FARP1: variants seen among roughly 807,000 people sequenced by gnomAD.
The protein encoded by FARP1 is FERM, ARHGEF and pleckstrin domain-containing protein 1.
FARP1 carries 52 observed loss-of-function variants against 128.8 expected under a neutral mutation model. The ratio of observed to expected loss-of-function variants is 0.40; its 90% confidence interval spans 0.32 to 0.51. The LOEUF (loss-of-function observed/expected upper bound fraction) is 0.51. FARP1 is among the 20% of genes least tolerant of loss of function. The probability of loss-of-function intolerance (pLI) is 0.45; values close to 1 mark genes in which losing one functional copy is unlikely to be tolerated. For synonymous variants in FARP1, 580 were observed against 551.8 expected (o/e 1.05, Z -0.72); for missense variants, 1,333 against 1,367.9 (o/e 0.97, Z 0.40).
intron 2 of FARP1, among the ~76,000 whole-genome samples, chr13:98,292,536 A>G (rs1343571705): frequency 6.6e-6 from 1 of 152,230 alleles, no homozygotes; most frequent in Non-Finnish European, 1.5e-5. Flanking sequence ...TTAAATTTAA[A>G]TTAAATAAAA....
In FARP1 at chr13:98,414,553, C is replaced by T. The variant is rs566050463; in HGVS notation, c.1826+2519C>T. Among the ~76,000 whole-genome samples, 12 of 152,312 alleles carry T rather than the reference C, an allele frequency of 7.9e-5. No individual in the cohort carries two copies. The South Asian group carries it at 1.4e-3, about 18-fold the overall frequency. On this transcript the variant is annotated intron_variant, in intron 16 of 26. Coordinates refer to ENST00000319562, the MANE Select transcript of FARP1 (RefSeq NM_005766.4). ...TCTCTAGATCTGCACCTCTCAGCAT[C>T]GGCTCCTCGTTGAAGTTACCTCAAG...
chr13:98,251,644 T>G (rs1459962346), intron 2 of FARP1, among the ~76,000 whole-genome samples: 2 of 150,322 alleles, frequency 1.3e-5, no homozygotes, highest in Non-Finnish European at 3.0e-5. Context: ...GATCACGCCA[T>G]TGCACTCCAG....
At chr13:98,435,836 C>A (rs774733840) in intron 19 of FARP1, 130 bp downstream of exon 19, 8 of 952,410 alleles carry the variant, frequency 8.4e-6, no homozygotes, top group Non-Finnish European at 1.2e-5. Context: ...ACCTGGGAGA[C>A]AACTGGAAAA....
chr13:98,362,546 C>A (rs183250801), intron 3 of FARP1, among the ~76,000 whole-genome samples: 5 of 152,308 alleles, frequency 3.3e-5, no homozygotes, highest in Admixed American at 6.5e-5. Flanking sequence ...CTGCTCCTAC[C>A]TGGCTGTCCA....
At chr13:98,346,299 C>T (rs1360133896) in intron 3 of FARP1, among the ~76,000 whole-genome samples, 1 of 149,476 alleles carries the variant, frequency 6.7e-6, no homozygotes, top group African/African-American at 2.5e-5. Context: ...AAGCAATTCT[C>T]CTGCCTCAGC....
chr13:98,199,586 A>G (rs1316499729), intron 1 of FARP1, among the ~76,000 whole-genome samples: 1 of 152,182 alleles, frequency 6.6e-6, no homozygotes, highest in African/African-American at 2.4e-5. Context: ...AATTCACTGC[A>G]TCCTCATTAT....
chr13:98,390,209 AG>A, intron 10 of FARP1, 89 bp downstream of exon 10: 1 of 1,401,050 alleles, frequency 7.1e-7, no homozygotes, highest in Non-Finnish European at 9.7e-7. Context: ...CAGGTCAGGG[AG>A]GTGAACGCTC....
At chr13:98,269,324 T>A (rs1402843495) in intron 2 of FARP1, among the ~76,000 whole-genome samples, 1 of 152,242 alleles carries the variant, frequency 6.6e-6, no homozygotes, top group Non-Finnish European at 1.5e-5. Context: ...GTTAAGTGGA[T>A]AACTTAAGTA....
chr13:98,257,676 A>G (rs1446551259), intron 2 of FARP1, among the ~76,000 whole-genome samples: 1 of 152,184 alleles, frequency 6.6e-6, no homozygotes, highest in Non-Finnish European at 1.5e-5. Context: ...AGGCTGAGGC[A>G]GGAGAATCAC....
chr13:98,388,463 C>G lies in FARP1; in HGVS notation c.840C>G (p.Leu280=), dbSNP rs1890182503. Residue 280 remains leucine, a synonymous_variant, in exon 9 of 27, where the codon CTC becomes CTG. Transcript: ENST00000319562. The part of the protein sequence containing the change: ...SFKRKRFLIK[L]RPDANSAYQD... ...AGAGGAAGCGCTTTCTCATCAAGCT[C>G]CGGCCAGATGCCAATGTAAGTGGTC... 6.2e-7 allele frequency: 1 copy of G among 1,613,620 alleles called. No individual in the cohort carries two copies. The highest frequency in any genetic ancestry group is 1.7e-5 in the Admixed American group (1 of 60,004).
At position 98,384,342 on chromosome 13, in the gene FARP1, G is replaced by C. The variant is rs558789846; in HGVS notation, c.497-388G>C. ...CAGGTCGCTGGGATTACAGGTGCCC[G>C]CCACCGTACCCAGCCAATTTTTGTA... is the stretch of plus-strand genomic sequence containing the variant. On this transcript the variant is annotated intron_variant, in intron 6 of 26. Coordinates refer to ENST00000319562, the MANE Select transcript of FARP1 (RefSeq NM_005766.4). 4.6e-4 allele frequency: 84 copies of C among 181,874 alleles called. 1 individual carries two copies. The highest frequency in any genetic ancestry group is 4.0e-3 in the Admixed American group (71 of 17,810). The allele number at this position is 181,874 out of a possible 1,614,324, so 11.3% of individuals were successfully genotyped here.
chr13:98,369,371 T>A (rs1275662439), intron 5 of FARP1, among the ~76,000 whole-genome samples: 44 of 131,954 alleles, frequency 3.3e-4, no homozygotes, highest in African/African-American at 8.2e-4. Flanking sequence ...TTTTTTTTTT[T>A]ATCATTATTA....
At chr13:98,444,009 G>A (rs748357270) in intron 24 of FARP1, among the ~76,000 whole-genome samples, 3 of 151,726 alleles carry the variant, frequency 2.0e-5, no homozygotes, top group Admixed American at 1.3e-4. Flanking sequence ...GCGGGAAGCC[G>A]GAAGTCCAAA....
At chr13:98,324,267 AG>A (rs1887134388) in intron 2 of FARP1, among the ~76,000 whole-genome samples, 1 of 152,222 alleles carries the variant, frequency 6.6e-6, no homozygotes, top group Non-Finnish European at 1.5e-5. Flanking sequence ...TGTTTCATGA[AG>A]GAAGCCTCAT....
At chr13:98,259,389 A>T (rs1460840505) in intron 2 of FARP1, among the ~76,000 whole-genome samples, 1 of 148,452 alleles carries the variant, frequency 6.7e-6, no homozygotes, top group Non-Finnish European at 1.5e-5. Flanking sequence ...TGCATTTACT[A>T]GTTTTTAAGT....
chr13:98,152,503 CAGAGCTG>C (rs1876085023), intron 1 of FARP1, among the ~76,000 whole-genome samples: 3 of 152,144 alleles, frequency 2.0e-5, no homozygotes, highest in Admixed American at 2.0e-4. Flanking sequence ...AAGAGGGTGA[CAGAGCTG>C]AAAGTGGAAC....
Position 98,176,826 on chromosome 13 carries a change from T to C in FARP1, c.-24+33334T>C. 6.2e-7 allele frequency: 1 copy of C among 1,612,854 alleles called. No homozygotes were observed. The highest frequency in any genetic ancestry group is 8.5e-7 in the Non-Finnish European group (1 of 1,179,998). ...TGTGGTCGTGCTCCCGACCCCGCAGTGCCTCCTGGACCCGCTGGCTGCACT... is the reference window on the plus strand; with the variant it reads ...TGTGGTCGTGCTCCCGACCCCGCAGCGCCTCCTGGACCCGCTGGCTGCACT... On this transcript the variant is annotated intron_variant, in intron 1 of 26. Coordinates refer to ENST00000319562, the MANE Select transcript of FARP1 (RefSeq NM_005766.4). The surrounding 1 kb of genome is among the most constrained non-coding windows in gnomAD (Gnocchi z 6.2).
intron 3 of FARP1, among the ~76,000 whole-genome samples, chr13:98,357,457 C>G (rs1888687064): frequency 6.6e-6 from 1 of 152,082 alleles, no homozygotes; most frequent in African/African-American, 2.4e-5. Context: ...GTGTGTGTTT[C>G]ATTTTGGATT....
intron 14 of FARP1, 83 bp from the exon 15 acceptor site, chr13:98,410,651 C>T (rs558536663): frequency 1.6e-6 from 1 of 642,588 alleles, no homozygotes; most frequent in East Asian, 2.8e-5. Context: ...AAGTTAGTAA[C>T]ATATCACTTT....
Sources: allele counts gnomAD v4.1 joint callset (sites outside exome capture counted in the v4.1 genomes callset), GRCh38; gene constraint gnomAD v4.1.1; non-coding constraint Gnocchi (gnomAD v3.1); transcripts MANE v1.5; gene names NCBI Gene and HGNC (gene_info 2026-07-23, HGNC 2026-07-21).